The following EIF3B variants were observed in gnomAD, a reference collection of about 807,000 sequenced individuals.
EIF3B encodes eukaryotic translation initiation factor 3 subunit 9.
A neutral mutation model predicts 104.6 loss-of-function variants in EIF3B; 10 were observed. That is an observed-to-expected ratio of 0.10 (90% confidence interval 0.06 to 0.16). The LOEUF (loss-of-function observed/expected upper bound fraction) is 0.16, where lower values mean the gene tolerates loss of function less well. Among genes scored for constraint, EIF3B ranks in the 10% least tolerant of loss-of-function variants. The probability of loss-of-function intolerance (pLI) is 1.00; values close to 1 mark genes in which losing one functional copy is unlikely to be tolerated. For missense variants in EIF3B, 1,014 were observed against 1,087.9 expected (o/e 0.93, Z 0.96); for synonymous variants, 542 against 417.2 (o/e 1.30, Z -3.65).
chr7:2,355,485 A>G, intron 1 of EIF3B, 65 bp downstream of exon 1: 2 of 1,395,496 alleles, frequency 1.4e-6, no homozygotes, highest in Non-Finnish European at 1.9e-6. Flanking sequence ...CCGAGGTGGG[A>G]GATATCGTCG....
intron 14 of EIF3B, 35 bp from the exon 15 acceptor site, chr7:2,376,915 C>T (rs763105151): frequency 6.3e-7 from 1 of 1,597,858 alleles, no homozygotes; most frequent in Non-Finnish European, 8.6e-7. Context: ...CTCTCTGACC[C>T]CTCTGTGTCC....
In EIF3B at chr7:2,376,937, T is replaced by C. The variant is rs916533994; in HGVS notation, c.2029-13T>C. On this transcript the variant is annotated splice_polypyrimidine_tract_variant and intron_variant, in intron 14 of 18. Transcript: ENST00000360876. ...ACCCCTCTGTGTCCTGGTGTGTCCC[T>C]GCCCTGGCCTAGGTGGACAACGCGT... 15 of 1,612,310 alleles carry C rather than the reference T, an allele frequency of 9.3e-6. No individual in the cohort carries two copies. The highest frequency in any genetic ancestry group is 1.0e-5 in the Non-Finnish European group (12 of 1,178,838).
intron 9 of EIF3B, among the ~76,000 whole-genome samples, chr7:2,368,829 A>G (rs934802347): frequency 3.3e-5 from 5 of 152,254 alleles, no homozygotes; most frequent in African/African-American, 7.2e-5. Context: ...ACTTCCAACA[A>G]TCCAAGGACA....
At chr7:2,378,572 G>T (rs1183689962) in intron 15 of EIF3B, 117 bp from the exon 16 acceptor site, 1 of 851,224 alleles carries the variant, frequency 1.2e-6, no homozygotes, top group Non-Finnish European at 1.9e-6. Context: ...GAGCGCTCCT[G>T]GGAAGCTGTG....
intron 6 of EIF3B, 65 bp downstream of exon 6, chr7:2,364,594 A>T: frequency 7.0e-7 from 1 of 1,436,436 alleles, no homozygotes; most frequent in Non-Finnish European, 9.5e-7. Context: ...TCTACAGGTG[A>T]TCTTTCATTT....
rs747713313 is a variant in EIF3B, at chr7:2,380,276, C to A, written c.*87C>A. On this transcript the variant is annotated 3_prime_UTR_variant, in exon 19 of 19. Coordinates refer to ENST00000360876, the MANE Select transcript of EIF3B (RefSeq NM_001037283.2). ...AGTGTGAGCCGCGGTTCCTCTGTTG[C>A]AGCGCAGCCGTGTGTGCTGTGGAGC... The A allele has an allele frequency of 4.0e-6, 2 of 501,816 alleles. No individual in the cohort carries two copies. The highest frequency in any genetic ancestry group is 2.9e-5 in the South Asian group (2 of 69,000). 31.1% of individuals were successfully genotyped at this position (501,816 alleles called of 1,614,324 possible). A position where few individuals can be genotyped will look rare whatever the true frequency, so the allele number is the denominator to read the frequency against.
At chr7:2,378,921 G>T in intron 16 of EIF3B, 155 bp downstream of exon 16, 1 of 770,908 alleles carries the variant, frequency 1.3e-6, no homozygotes. Flanking sequence ...TGGGGAACTG[G>T]GGTTGGCACG....
intron 9 of EIF3B, among the ~76,000 whole-genome samples, chr7:2,368,327 G>A (rs1468394026): frequency 6.6e-6 from 1 of 151,842 alleles, no homozygotes; most frequent in Non-Finnish European, 1.5e-5. Flanking sequence ...GTATATTTTA[G>A]AAGAGTCGGG....
chr7:2,368,055 C>G (rs1253922544), intron 9 of EIF3B, among the ~76,000 whole-genome samples: 3 of 151,310 alleles, frequency 2.0e-5, no homozygotes, highest in African/African-American at 7.3e-5. Context: ...GTTGGCCATG[C>G]TGGTCTCAGA....
At chr7:2,369,764 GAT>G (rs1491229103) in intron 10 of EIF3B, 82 bp downstream of exon 10, 10 of 515,076 alleles carry the variant, frequency 1.9e-5, no homozygotes, top group Admixed American at 4.5e-5. Context: ...GGTGTTAATG[GAT>G]TTTTTTTTTT....
chr7:2,378,441 C>T (rs1366031626), intron 15 of EIF3B: 13 of 384,022 alleles, frequency 3.4e-5, no homozygotes, highest in African/African-American at 5.6e-5. Flanking sequence ...GGCGCGAGCG[C>T]TCCTGGGAAG....
At chr7:2,374,231 C>T (rs997814731) in intron 12 of EIF3B, 56 of 280,590 alleles carry the variant, frequency 2.0e-4, no homozygotes, top group Middle Eastern at 1.2e-3. Flanking sequence ...CTGTTGGGGT[C>T]CCTGCAGCAG....
chr7:2,372,342 G>A (rs1024801424), intron 11 of EIF3B, among the ~76,000 whole-genome samples: 6 of 152,230 alleles, frequency 3.9e-5, no homozygotes, highest in African/African-American at 9.6e-5. Context: ...GAGACCGGAG[G>A]TCAGGATCCC....
intron 1 of EIF3B, among the ~76,000 whole-genome samples, chr7:2,356,586 G>C (rs1227341658): frequency 2.1e-5 from 3 of 141,206 alleles, no homozygotes; most frequent in Non-Finnish European, 4.5e-5. Context: ...CTGGGCGACA[G>C]AGCAAGACTC....
intron 1 of EIF3B, among the ~76,000 whole-genome samples, chr7:2,358,190 T>A (rs1020673443): frequency 6.6e-6 from 1 of 152,176 alleles, no homozygotes; most frequent in African/African-American, 2.4e-5. Flanking sequence ...TTCAAGCGAT[T>A]TTCCTGCCTC....
intron 17 of EIF3B, 70 bp downstream of exon 17, chr7:2,379,312 C>G (rs1780866961): frequency 1.9e-6 from 3 of 1,553,398 alleles, no homozygotes; most frequent in South Asian, 2.3e-5. Context: ...TGCCCGCGGA[C>G]TCCTGCGTTC....
chr7:2,356,117 G>C (rs1168671660), intron 1 of EIF3B, among the ~76,000 whole-genome samples: 1 of 152,124 alleles, frequency 6.6e-6, no homozygotes, highest in East Asian at 1.9e-4. Flanking sequence ...CTTCTGATGA[G>C]AGCTGGTCTC....
intron 15 of EIF3B, among the ~76,000 whole-genome samples, 182 bp downstream of exon 15, chr7:2,377,257 A>G (rs189725473): frequency 1.3e-5 from 2 of 152,382 alleles, no homozygotes; most frequent in East Asian, 1.9e-4. Context: ...GCTTTAGGAT[A>G]GTAACTTGAG....
chr7:2,366,514 G>GT lies in EIF3B; in HGVS notation c.1290-6dup. On this transcript the variant is annotated splice_polypyrimidine_tract_variant and intron_variant, in intron 7 of 18. Coordinates refer to ENST00000360876, the MANE Select transcript of EIF3B (RefSeq NM_001037283.2). The stretch of plus-strand genomic sequence containing the variant: ...TTCATGGGAATACCCTGGCACTTTT[G>GT]TTTTTCTTAGGTGGAGCCATGATGG... 6.2e-7 allele frequency: 1 copy of GT among 1,614,168 alleles called. No individual in the cohort carries two copies. Among genetic ancestry groups the GT allele is most frequent in the Non-Finnish European group, 8.5e-7 (1 of 1,180,026 alleles).
Sources: gnomAD v4.1 joint callset for allele counts (sites outside exome capture counted in the v4.1 genomes callset) on GRCh38, gnomAD v4.1.1 for gene constraint, MANE v1.5 for transcripts, NCBI Gene and HGNC (gene_info 2026-07-23, HGNC 2026-07-21) for gene names.